DDX10: variants seen among roughly 807,000 people sequenced by gnomAD.
DDX10 encodes DEAD-box helicase 10.
A neutral mutation model predicts 104.3 loss-of-function variants in DDX10; 74 were observed. The ratio of observed to expected loss-of-function variants is 0.71; its 90% CI spans 0.59 to 0.86. The LOEUF is 0.86. DDX10 is among the 40% of genes least tolerant of loss of function. The probability of loss-of-function intolerance (pLI) is 0.00; values close to 1 mark genes in which losing one functional copy is unlikely to be tolerated. For synonymous variants in DDX10, 351 were observed against 353.4 expected (o/e 0.99, Z 0.08); for missense variants, 952 against 1,040.0 (o/e 0.92, Z 1.16).
chr11:108,688,932 C>G lies in DDX10; in HGVS notation c.849-4C>G. On this transcript the variant is annotated splice_polypyrimidine_tract_variant and splice_region_variant and intron_variant, in intron 6 of 17. Coordinates refer to ENST00000322536, the MANE Select transcript of DDX10 (RefSeq NM_004398.4). ...AATGTTTTTCTTTTCCGTAATTCCA[C>G]AAGCACCCCTGCCACTTTGGAACAG... 6.2e-7 allele frequency: 1 copy of G among 1,610,062 alleles called. No homozygotes were observed. Among genetic ancestry groups the G allele is most frequent in the Non-Finnish European group, 8.5e-7 (1 of 1,177,872 alleles).
intron 17 of DDX10, chr11:108,929,515 A>G (rs938618053): frequency 1.3e-5 from 2 of 152,206 alleles, no homozygotes; most frequent in African/African-American, 2.4e-5. Flanking sequence ...TTTTCACCTC[A>G]TCATCATTCT....
chr11:108,822,886 A>G (rs2134579201), intron 13 of DDX10, among the ~76,000 whole-genome samples: 1 of 152,358 alleles, frequency 6.6e-6, no homozygotes, highest in East Asian at 1.9e-4. Flanking sequence ...TGGAGATACT[A>G]TTATATATTG....
chr11:108,711,265 T>G (rs2094283902), intron 10 of DDX10, among the ~76,000 whole-genome samples: 1 of 152,240 alleles, frequency 6.6e-6, no homozygotes, highest in African/African-American at 2.4e-5. Context: ...TTGATTTTGT[T>G]TTGACTTGTG....
Position 108,805,090 on chromosome 11 carries a change from A to G in DDX10, c.1966-33356A>G, listed in dbSNP as rs142593249. Among the ~76,000 whole-genome samples, 441 of 152,352 alleles carry G rather than the reference A, an allele frequency of 2.9e-3. 2 individuals carry two copies. Among genetic ancestry groups the G allele is most frequent in the South Asian group, 0.011 (53 of 4,826 alleles). ...CCTCAGGGTCATTCTCCCACAGGCA[A>G]GATGGAAATAAATGGATGGTAAATA... On this transcript the variant is annotated intron_variant, in intron 13 of 17. Coordinates refer to ENST00000322536, the MANE Select transcript of DDX10 (RefSeq NM_004398.4).
intron 17 of DDX10, among the ~76,000 whole-genome samples, chr11:108,933,150 G>C (rs917818298): frequency 6.6e-6 from 1 of 151,986 alleles, no homozygotes; most frequent in Admixed American, 6.6e-5. Context: ...GAGAGTTACA[G>C]AGATTTACAG....
chr11:108,730,980 C>T (rs1005627512), intron 13 of DDX10, among the ~76,000 whole-genome samples: 16 of 151,910 alleles, frequency 1.1e-4, no homozygotes, highest in African/African-American at 3.9e-4. Flanking sequence ...CCTGTACATT[C>T]CCTAGTACTG....
rs531108295 is a variant in DDX10 at position 108,821,903 on chromosome 11, T to G, written c.1966-16543T>G. Among the ~76,000 whole-genome samples, 19 of 152,330 alleles carry G rather than the reference T, an allele frequency of 1.2e-4. No homozygotes were observed. In the South Asian group the frequency reaches 3.7e-3, roughly 30 times the overall value. On this transcript the variant is annotated intron_variant, in intron 13 of 17. Transcript: ENST00000322536. ...GCCACCTTATCTTCAACTCTTGCCT[T>G]TAAGAGGCAAGTGAACATGAAACAC...
chr11:108,922,315 GAGGA>G (rs1863845279), intron 17 of DDX10: 1 of 152,064 alleles, frequency 6.6e-6, no homozygotes, highest in African/African-American at 2.4e-5. Context: ...AAGCACGAGG[GAGGA>G]AGGGAGGGAG....
chr11:108,738,265 A>T (rs1176643803), intron 13 of DDX10, among the ~76,000 whole-genome samples: 5 of 119,354 alleles, frequency 4.2e-5, no homozygotes, highest in Admixed American at 8.4e-5. Context: ...TTTTTTTTTT[A>T]AAGGAATCTA....
At chr11:108,825,493 T>C (rs960419106) in intron 13 of DDX10, among the ~76,000 whole-genome samples, 7 of 152,150 alleles carry the variant, frequency 4.6e-5, no homozygotes, top group African/African-American at 1.7e-4. Context: ...GCAGTATCAA[T>C]AGAGGTTTTG....
At chr11:108,855,711 G>A (rs1005351175) in intron 16 of DDX10, among the ~76,000 whole-genome samples, 5 of 152,024 alleles carry the variant, frequency 3.3e-5, no homozygotes, top group Admixed American at 6.6e-5. Flanking sequence ...CACCCTCCTC[G>A]GCCTCCCAAA....
At chr11:108,865,862 A>G (rs1288699050) in intron 16 of DDX10, among the ~76,000 whole-genome samples, 1 of 152,204 alleles carries the variant, frequency 6.6e-6, no homozygotes, top group Non-Finnish European at 1.5e-5. Flanking sequence ...AAGTAGTGCA[A>G]TATAATTAAT....
intron 13 of DDX10, among the ~76,000 whole-genome samples, chr11:108,731,099 T>C (rs1482663647): frequency 6.6e-6 from 1 of 151,484 alleles, no homozygotes; most frequent in African/African-American, 2.4e-5. Context: ...TCACCCAGGC[T>C]GGAGTGCAGT....
chr11:108,878,296 G>C (rs1020554214), intron 16 of DDX10, among the ~76,000 whole-genome samples: 3 of 152,210 alleles, frequency 2.0e-5, no homozygotes, highest in Non-Finnish European at 4.4e-5. Flanking sequence ...ATGCACTGAA[G>C]TATCCTCTTG....
intron 8 of DDX10, 72 bp from the exon 9 acceptor site, chr11:108,693,444 T>G: frequency 9.3e-7 from 1 of 1,077,436 alleles, no homozygotes; most frequent in Non-Finnish European, 1.4e-6. Context: ...GCAAGCAATA[T>G]TTTAAGATAA....
At chr11:108,778,190 CTACTT>C (rs1358638387) in intron 13 of DDX10, among the ~76,000 whole-genome samples, 1 of 152,152 alleles carries the variant, frequency 6.6e-6, no homozygotes, top group African/African-American at 2.4e-5. Context: ...TTGGAAAAAA[CTACTT>C]TAAAGTTCAT....
At chr11:108,853,421 T>C (rs1862822090) in intron 16 of DDX10, among the ~76,000 whole-genome samples, 2 of 152,152 alleles carry the variant, frequency 1.3e-5, no homozygotes, top group African/African-American at 4.8e-5. Context: ...ATGAAAGATA[T>C]AATCTAGAGC....
chr11:108,902,184 C>T (rs1049049682), intron 16 of DDX10, among the ~76,000 whole-genome samples: 4 of 152,144 alleles, frequency 2.6e-5, no homozygotes. Flanking sequence ...TTGATTGACA[C>T]ACAGGGCTCT....
intron 17 of DDX10, among the ~76,000 whole-genome samples, chr11:108,930,017 A>G (rs1039562715): frequency 1.3e-5 from 2 of 152,212 alleles, no homozygotes; most frequent in African/African-American, 4.8e-5. Flanking sequence ...ATTATTAACT[A>G]ATGTCTGTAG....
Sources: allele counts gnomAD v4.1 joint callset (sites outside exome capture counted in the v4.1 genomes callset), GRCh38; gene constraint gnomAD v4.1.1; transcripts MANE v1.5; gene names NCBI Gene and HGNC (gene_info 2026-07-23, HGNC 2026-07-21).